Variants in ARPP21 observed in about 807,000 individuals in gnomAD.
ARPP21 encodes cAMP-regulated phosphoprotein 21.
A neutral mutation model predicts 113.2 loss-of-function variants in ARPP21; 69 were observed. That is an observed-to-expected ratio of 0.61 (90% CI 0.50 to 0.74). The LOEUF (loss-of-function observed/expected upper bound fraction) is 0.74, where lower values mean the gene tolerates loss of function less well. ARPP21 is among the 30% of genes least tolerant of loss of function. The pLI is 0.00. For missense variants in ARPP21, 1,070 were observed against 1,037.4 expected (o/e 1.03, Z -0.43); for synonymous variants, 368 against 375.5 (o/e 0.98, Z 0.23).
chr3:35,709,476 T>TCA (rs914988986), intron 11 of ARPP21, among the ~76,000 whole-genome samples: 1 of 152,174 alleles, frequency 6.6e-6, no homozygotes, highest in African/African-American at 2.4e-5. Flanking sequence ...TCTGTTTATC[T>TCA]CACACACACA....
At chr3:35,753,345 C>A (rs1003985551) in intron 19 of ARPP21, among the ~76,000 whole-genome samples, 1 of 151,810 alleles carries the variant, frequency 6.6e-6, no homozygotes, top group Admixed American at 6.6e-5. Context: ...TTCAAACACC[C>A]AAGGAATATG....
Position 35,794,479 on chromosome 3 carries a change from T to TA in ARPP21, c.*522dup, listed in dbSNP as rs2096799744. On this transcript the variant is annotated 3_prime_UTR_variant, in exon 21 of 21. Transcript: ENST00000684406. ...ACCTTATGGAGGAAGGTCATGTTTT[T>TA]ACCACCAGTTTGGTTCACTATGTCT... The TA allele has an allele frequency of 6.5e-6, 1 of 153,630 alleles. No homozygotes were observed. Among genetic ancestry groups the TA allele is most frequent in the Admixed American group, 6.4e-5 (1 of 15,610 alleles). 9.5% of individuals were successfully genotyped at this position (153,630 alleles called of 1,614,324 possible).
intron 1 of ARPP21, among the ~76,000 whole-genome samples, chr3:35,673,147 A>T (rs566484003): frequency 6.6e-6 from 1 of 152,030 alleles, no homozygotes; most frequent in Admixed American, 6.6e-5. Flanking sequence ...GCTGCCCTAT[A>T]TAACTGGAAA....
At chr3:35,788,014 C>T (rs1483035979) in intron 19 of ARPP21, among the ~76,000 whole-genome samples, 1 of 152,142 alleles carries the variant, frequency 6.6e-6, no homozygotes, top group Non-Finnish European at 1.5e-5. Flanking sequence ...ATAACAAGAG[C>T]TTAATTCACT....
At chr3:35,725,160 A>G (rs577388570) in intron 14 of ARPP21, among the ~76,000 whole-genome samples, 3 of 152,242 alleles carry the variant, frequency 2.0e-5, no homozygotes, top group Admixed American at 6.5e-5. Context: ...ATTAGGCTCC[A>G]TGTGCTTGCT....
intron 12 of ARPP21, chr3:35,715,944 A>T (rs2092326072): frequency 3.3e-5 from 5 of 152,464 alleles, no homozygotes; most frequent in Admixed American, 3.3e-4. Context: ...TATTCTAAAC[A>T]ATCTATTTTT....
At chr3:35,705,840 A>C (rs1016677728) in intron 9 of ARPP21, among the ~76,000 whole-genome samples, 8 of 152,204 alleles carry the variant, frequency 5.3e-5, no homozygotes, top group African/African-American at 1.9e-4. Context: ...CTGCTCATCA[A>C]AATTATTATA....
intron 3 of ARPP21, 88 bp from the exon 4 acceptor site, chr3:35,682,758 CTT>C (rs2079314709): frequency 8.5e-7 from 1 of 1,181,406 alleles, no homozygotes; most frequent in East Asian, 2.6e-5. Flanking sequence ...ATTTTTCTCT[CTT>C]TCTTTCTCTC....
chr3:35,748,240 AAAG>A (rs1412839282), intron 19 of ARPP21, among the ~76,000 whole-genome samples: 1 of 148,782 alleles, frequency 6.7e-6, no homozygotes, highest in Non-Finnish European at 1.5e-5. Context: ...GAAGGAAGGA[AAAG>A]AAAGAAAGAA....
At chr3:35,769,743 G>A (rs1343882390) in intron 19 of ARPP21, among the ~76,000 whole-genome samples, 1 of 152,108 alleles carries the variant, frequency 6.6e-6, no homozygotes, top group Non-Finnish European at 1.5e-5. Flanking sequence ...ATGATAATTT[G>A]GAGCAGACTT....
At chr3:35,653,838 ATTTGT>A (rs1199031180) in intron 1 of ARPP21, among the ~76,000 whole-genome samples, 2 of 152,216 alleles carry the variant, frequency 1.3e-5, no homozygotes, top group East Asian at 3.9e-4. Flanking sequence ...GTATATCAAT[ATTTGT>A]TTTGAAAATA....
chr3:35,748,058 A>AGGAAGGAAG (rs1553720163), intron 19 of ARPP21, among the ~76,000 whole-genome samples: 2 of 82,740 alleles, frequency 2.4e-5, no homozygotes, highest in Admixed American at 1.2e-4. Flanking sequence ...AAGAAAAGGA[A>AGGAAGGAAG]GAAGGAAGGA....
intron 19 of ARPP21, among the ~76,000 whole-genome samples, chr3:35,748,078 G>GAAAGAAAGA (rs1321325490): frequency 9.0e-6 from 1 of 111,296 alleles, no homozygotes; most frequent in Non-Finnish European, 1.9e-5. Flanking sequence ...AAGAAAGAAA[G>GAAAGAAAGA]AAAGAAAGAA....
At chr3:35,785,678 G>C (rs758975671) in intron 19 of ARPP21, among the ~76,000 whole-genome samples, 1 of 152,166 alleles carries the variant, frequency 6.6e-6, no homozygotes, top group Non-Finnish European at 1.5e-5. Flanking sequence ...GTTCTCAGGG[G>C]ACAGTAAAGA....
chr3:35,667,974 AGAAGAAGAAGAAG>A, intron 1 of ARPP21, among the ~76,000 whole-genome samples: 1 of 136,928 alleles, frequency 7.3e-6, no homozygotes, highest in South Asian at 2.5e-4. Flanking sequence ...AAGAAGAAGA[AGAAGAAGAAGAAG>A]AAGAAGAAGA....
intron 1 of ARPP21, among the ~76,000 whole-genome samples, chr3:35,676,787 T>C (rs1308484063): frequency 6.6e-6 from 1 of 151,768 alleles, no homozygotes; most frequent in African/African-American, 2.4e-5. Context: ...TCCCAATGAC[T>C]TTTTTTTACT....
At chr3:35,778,861 T>A (rs375813314) in intron 19 of ARPP21, among the ~76,000 whole-genome samples, 1 of 152,164 alleles carries the variant, frequency 6.6e-6, no homozygotes, top group South Asian at 2.1e-4. Flanking sequence ...CACCAGGAAT[T>A]GTTACTATTA....
At chr3:35,642,447 T>A (rs1698436056) in intron 1 of ARPP21, 1 of 152,158 alleles carries the variant, frequency 6.6e-6, no homozygotes, top group Non-Finnish European at 1.5e-5. Flanking sequence ...TTTAATTAAG[T>A]CCTAATATAT....
chr3:35,729,839 G>A lies in ARPP21; in HGVS notation c.1459+303G>A, dbSNP rs192954564. On this transcript the variant is annotated intron_variant, in intron 15 of 20. Coordinates refer to ENST00000684406, the MANE Select transcript of ARPP21 (RefSeq NM_001385562.1). ...CTCATGCATGCTTAAGAGCTAAGAC[G>A]AGAGAAAATGGTGTGATGAGTTGGG... Among the ~76,000 whole-genome samples, 23 of 152,254 alleles carry A rather than the reference G, an allele frequency of 1.5e-4. No individual in the cohort carries two copies. The Middle Eastern group carries it at 0.01, about 68-fold the overall frequency.
Sources: gnomAD v4.1 joint callset for allele counts (sites outside exome capture counted in the v4.1 genomes callset) on GRCh38, gnomAD v4.1.1 for gene constraint, MANE v1.5 for transcripts, NCBI Gene and HGNC (gene_info 2026-07-23, HGNC 2026-07-21) for gene names.